PRIM2: variants seen among roughly 807,000 people sequenced by gnomAD.
PRIM2 encodes DNA primase large subunit.
Under a neutral mutation model 67.3 loss-of-function variants are expected in PRIM2, and 39 were observed. That is an observed-to-expected ratio of 0.58 (90% CI 0.45 to 0.76). PRIM2 has a LOEUF of 0.76. Ranked by LOEUF, PRIM2 falls within the 30% of genes least tolerant of loss-of-function variation. The pLI is 0.00. For synonymous variants in PRIM2, 143 were observed against 198.7 expected, an observed-to-expected ratio of 0.72 and a Z score of 2.36; for missense variants, 398 against 598.7, an observed-to-expected ratio of 0.66 and a Z score of 3.50.
chr6:57,237,558 G>T, the PRIM2 span, among the ~76,000 whole-genome samples: 4 of 152,102 alleles, frequency 2.6e-5, no homozygotes, highest in Non-Finnish European at 5.9e-5. Flanking sequence ...GGTCTAACAT[G>T]TAAGTCTTTA....
the PRIM2 span, among the ~76,000 whole-genome samples, chr6:57,307,805 T>G: frequency 6.6e-6 from 1 of 152,174 alleles, no homozygotes; most frequent in Non-Finnish European, 1.5e-5. Flanking sequence ...CTTTCTTCTC[T>G]TCTTCCTATT....
intron 10 of PRIM2, among the ~76,000 whole-genome samples, chr6:57,600,704 T>C (rs1390473380): frequency 3.9e-5 from 6 of 152,066 alleles, no homozygotes; most frequent in African/African-American, 1.4e-4. Flanking sequence ...TGGGTAGATA[T>C]GGGAATTCAG....
chr6:57,260,597 C>T, the PRIM2 span, among the ~76,000 whole-genome samples: 4 of 152,090 alleles, frequency 2.6e-5, no homozygotes, highest in Non-Finnish European at 4.4e-5. Flanking sequence ...GGTCTCCAAT[C>T]CTTGGTGGAT....
intron 7 of PRIM2, among the ~76,000 whole-genome samples, chr6:57,413,431 C>T (rs1771155378): frequency 6.6e-6 from 1 of 151,406 alleles, no homozygotes; most frequent in Admixed American, 6.6e-5. Flanking sequence ...AATCCATTGA[C>T]CGAAATATGT....
At chr6:57,316,500 C>T (rs1208846976), upstream of PRIM2, among the ~76,000 whole-genome samples, 1 of 152,212 alleles carries the variant, frequency 6.6e-6, no homozygotes, top group Non-Finnish European at 1.5e-5. Flanking sequence ...TAGAACAGGT[C>T]CTGATATAAA....
intron 10 of PRIM2, among the ~76,000 whole-genome samples, chr6:57,579,123 A>G (rs1776027079): frequency 6.6e-6 from 1 of 151,366 alleles, no homozygotes; most frequent in African/African-American, 2.4e-5. Flanking sequence ...GCCATCTGTC[A>G]GCTAACATAC....
chr6:57,374,317 G>A (rs62417997), intron 5 of PRIM2, among the ~76,000 whole-genome samples: 2 of 74,698 alleles, frequency 2.7e-5, no homozygotes, highest in Non-Finnish European at 5.9e-5. Flanking sequence ...TTTTTGAGAC[G>A]GAGTTTCGCT....
Position 57,425,116 on chromosome 6 carries a change from T to C in PRIM2, c.693+42948T>C, listed in dbSNP as rs1380759984. Among the ~76,000 whole-genome samples the C allele has an allele frequency of 3.3e-5, 5 of 152,356 alleles. No homozygotes were observed. The East Asian group carries it at 9.6e-4, about 29-fold the overall frequency. On this transcript the variant is annotated intron_variant, in intron 7 of 13. Coordinates refer to ENST00000615550, the MANE Select transcript of PRIM2 (RefSeq NM_000947.5). ...TCAAGTTTTTCTCACTTAAAATATG[T>C]TCTGTGTCTATCTAGTTTTTATTAT...
intron 10 of PRIM2, among the ~76,000 whole-genome samples, chr6:57,594,491 A>T (rs1776333139): frequency 6.6e-6 from 1 of 152,204 alleles, no homozygotes; most frequent in South Asian, 2.1e-4. Flanking sequence ...GATCTGATCC[A>T]GTCAGATCCA....
intron 7 of PRIM2, among the ~76,000 whole-genome samples, chr6:57,503,039 A>G (rs1438532230): frequency 6.6e-6 from 1 of 152,232 alleles, no homozygotes; most frequent in Non-Finnish European, 1.5e-5. Flanking sequence ...TCTAGGGCAG[A>G]CTTTTCTAAA....
At chr6:57,305,297 A>C in the PRIM2 span, among the ~76,000 whole-genome samples, 1 of 152,224 alleles carries the variant, frequency 6.6e-6, no homozygotes, top group Non-Finnish European at 1.5e-5. Flanking sequence ...GGATTACATC[A>C]TAAAGTGTAT....
intron 5 of PRIM2, among the ~76,000 whole-genome samples, chr6:57,341,314 A>G (rs1768480439): frequency 6.6e-6 from 1 of 152,194 alleles, no homozygotes; most frequent in South Asian, 2.1e-4. Context: ...ATTATGCCTT[A>G]TGTTTTTGAA....
chr6:57,268,463 A>C, the PRIM2 span, among the ~76,000 whole-genome samples: 1 of 152,148 alleles, frequency 6.6e-6, no homozygotes. Context: ...AGGTGAAAAA[A>C]AATGCTATCT....
chr6:57,411,530 G>A (rs1229459424), intron 7 of PRIM2, among the ~76,000 whole-genome samples: 8 of 151,314 alleles, frequency 5.3e-5, no homozygotes, highest in African/African-American at 1.7e-4. Context: ...AGCTGTGATT[G>A]CACCACTGCA....
At chr6:57,288,661 G>C in the PRIM2 span, among the ~76,000 whole-genome samples, 210 of 152,276 alleles carry the variant, frequency 1.4e-3, no homozygotes, top group African/African-American at 4.7e-3. Context: ...AGGCAAATAA[G>C]GTCTGGAGTG....
chr6:57,445,849 C>G (rs199557355), intron 7 of PRIM2, among the ~76,000 whole-genome samples: 1,882 of 152,266 alleles, frequency 0.012, 38 homozygotes, highest in African/African-American at 0.043. Context: ...ACATGAAAAT[C>G]TGATTACCAA....
chr6:57,624,827 C>G (rs1160980008), intron 12 of PRIM2, among the ~76,000 whole-genome samples: 1 of 152,100 alleles, frequency 6.6e-6, no homozygotes, highest in African/African-American at 2.4e-5. Context: ...TAAAGACATG[C>G]CCAAGACTTG....
chr6:57,329,194 A>C (rs1767970745), intron 5 of PRIM2, among the ~76,000 whole-genome samples: 2 of 151,070 alleles, frequency 1.3e-5, no homozygotes, highest in African/African-American at 4.9e-5. Context: ...TTTGGTATTG[A>C]GTCTAAGAAG....
At chr6:57,382,228 G>A in intron 7 of PRIM2, 60 bp downstream of exon 7, 1 of 1,538,840 alleles carries the variant, frequency 6.5e-7, no homozygotes, top group Non-Finnish European at 8.9e-7. Context: ...ATATACCCCT[G>A]GTAGTTTTAT....
Sources: allele counts gnomAD v4.1 joint callset (sites outside exome capture counted in the v4.1 genomes callset), GRCh38; gene constraint gnomAD v4.1.1; transcripts MANE v1.5; gene names NCBI Gene and HGNC (gene_info 2026-07-23, HGNC 2026-07-21).